PTPRO: variants seen among roughly 807,000 people sequenced by gnomAD.
PTPRO encodes protein tyrosine phosphatase receptor type O.
A neutral mutation model predicts 145.2 loss-of-function variants in PTPRO; 62 were observed. The observed-to-expected ratio is 0.43, with a 90% CI of 0.35 to 0.53. The LOEUF (loss-of-function observed/expected upper bound fraction) is 0.53, where lower values mean the gene tolerates loss of function less well. Ranked by LOEUF, PTPRO falls within the 20% of genes least tolerant of loss-of-function variation. The probability of loss-of-function intolerance (pLI) is 0.01; values close to 1 mark genes in which losing one functional copy is unlikely to be tolerated. For missense variants in PTPRO, 1,345 were observed against 1,482.7 expected, an observed-to-expected ratio of 0.91 and a Z score of 1.53; for synonymous variants, 565 against 514.7, an observed-to-expected ratio of 1.10 and a Z score of -1.32.
chr12:15,415,519 G>A (rs1565616235), intron 1 of PTPRO, among the ~76,000 whole-genome samples: 1 of 151,854 alleles, frequency 6.6e-6, no homozygotes, highest in Admixed American at 6.6e-5. Flanking sequence ...CGAGTAGCTG[G>A]GACTACAGGC....
At chr12:15,522,969 GT>G (rs1483437495) in intron 10 of PTPRO, among the ~76,000 whole-genome samples, 3 of 152,184 alleles carry the variant, frequency 2.0e-5, no homozygotes, top group African/African-American at 7.2e-5. Context: ...GACGAAATAT[GT>G]TGGAATATAT....
chr12:15,369,681 C>CAT (rs2136256101), intron 1 of PTPRO, among the ~76,000 whole-genome samples: 1 of 152,240 alleles, frequency 6.6e-6, no homozygotes, highest in East Asian at 1.9e-4. Flanking sequence ...ATTCTCCCTT[C>CAT]ATATATATTG....
At chr12:15,464,593 A>G (rs575566041) in intron 1 of PTPRO, among the ~76,000 whole-genome samples, 6 of 151,374 alleles carry the variant, frequency 4.0e-5, no homozygotes, top group Non-Finnish European at 7.4e-5. Context: ...TCCTGACCTC[A>G]AGTGATCTGC....
chr12:15,330,402 T>C (rs1401738542), intron 1 of PTPRO, among the ~76,000 whole-genome samples: 1 of 152,138 alleles, frequency 6.6e-6, no homozygotes. Flanking sequence ...GGTCTCAAGA[T>C]AACATGTGTG....
At chr12:15,419,735 G>GTTT (rs71042248) in intron 1 of PTPRO, among the ~76,000 whole-genome samples, 1 of 148,520 alleles carries the variant, frequency 6.7e-6, no homozygotes, top group African/African-American at 2.5e-5. Flanking sequence ...GTTCTTTGGT[G>GTTT]TTTTTTTTTT....
At chr12:15,349,372 A>T (rs1022744387) in intron 1 of PTPRO, among the ~76,000 whole-genome samples, 2 of 152,202 alleles carry the variant, frequency 1.3e-5, no homozygotes, top group Non-Finnish European at 2.9e-5. Flanking sequence ...GTCCCACAAA[A>T]TGTATTTGGA....
intron 1 of PTPRO, among the ~76,000 whole-genome samples, chr12:15,426,382 A>G (rs1335602053): frequency 6.6e-6 from 1 of 152,012 alleles, no homozygotes; most frequent in African/African-American, 2.4e-5. Context: ...TTCTTTTGCA[A>G]TGTTTACACT....
At position 15,544,250 on chromosome 12, in the gene PTPRO, C is replaced by G. The variant is rs76408450; in HGVS notation, c.2165-2319C>G. 1.4e-3 allele frequency among the ~76,000 whole-genome samples: 212 copies of G among 152,108 alleles called. 2 individuals carry two copies. The East Asian group carries it at 0.038, about 28-fold the overall frequency. On this transcript the variant is annotated intron_variant, in intron 12 of 26. Transcript: ENST00000281171. Reference sequence around the variant, plus strand: ...TGGTGGCTCATGCCTATAATCCCAGCTCCCAGCACTTTGGGAGGCAGAGGC... The same window carrying G: ...TGGTGGCTCATGCCTATAATCCCAGGTCCCAGCACTTTGGGAGGCAGAGGC...
intron 1 of PTPRO, among the ~76,000 whole-genome samples, chr12:15,450,984 C>T (rs931230575): frequency 3.3e-5 from 5 of 151,968 alleles, no homozygotes; most frequent in African/African-American, 1.2e-4. Flanking sequence ...CCTCCCATCT[C>T]AATACTAACA....
intron 25 of PTPRO, among the ~76,000 whole-genome samples, chr12:15,591,215 TA>T (rs563961782): frequency 2.0e-5 from 3 of 151,510 alleles, no homozygotes; most frequent in African/African-American, 7.3e-5. Flanking sequence ...CTAAAAATAT[TA>T]AAAAATTAGC....
At chr12:15,369,954 A>G (rs1490130371) in intron 1 of PTPRO, among the ~76,000 whole-genome samples, 1 of 152,156 alleles carries the variant, frequency 6.6e-6, no homozygotes, top group Non-Finnish European at 1.5e-5. Flanking sequence ...CAGGAGGCTG[A>G]GACAGGAGAA....
chr12:15,450,118 C>T (rs1162892618), intron 1 of PTPRO, among the ~76,000 whole-genome samples: 1 of 152,058 alleles, frequency 6.6e-6, no homozygotes, highest in Non-Finnish European at 1.5e-5. Context: ...ATTATATTTG[C>T]TAGTTCTCTA....
chr12:15,436,288 G>A (rs897488865), intron 1 of PTPRO, among the ~76,000 whole-genome samples: 1 of 152,140 alleles, frequency 6.6e-6, no homozygotes, highest in African/African-American at 2.4e-5. Context: ...GAGCATAACT[G>A]AAGGAAATAG....
At chr12:15,516,269 G>C (rs1298587637) in intron 8 of PTPRO, among the ~76,000 whole-genome samples, 1 of 148,034 alleles carries the variant, frequency 6.8e-6, no homozygotes, top group Admixed American at 6.7e-5. Flanking sequence ...TTACAGGCAT[G>C]AGCCACCACA....
intron 1 of PTPRO, among the ~76,000 whole-genome samples, chr12:15,419,264 G>A (rs1940067141): frequency 6.6e-6 from 1 of 150,744 alleles, no homozygotes; most frequent in African/African-American, 2.5e-5. Flanking sequence ...GCATTTTGGG[G>A]GCGGGGGAGG....
intron 12 of PTPRO, chr12:15,546,357 A>C: frequency 7.1e-7 from 1 of 1,398,838 alleles, no homozygotes; most frequent in Non-Finnish European, 9.3e-7. Context: ...AAGAGAAGTA[A>C]AAAAATGGAA....
intron 1 of PTPRO, among the ~76,000 whole-genome samples, chr12:15,474,142 T>C (rs889863182): frequency 6.6e-6 from 1 of 152,114 alleles, no homozygotes; most frequent in Non-Finnish European, 1.5e-5. Flanking sequence ...AAAAAACATA[T>C]ATAAACAAAT....
intron 6 of PTPRO, among the ~76,000 whole-genome samples, chr12:15,505,899 A>G (rs898579934): frequency 6.6e-6 from 1 of 152,234 alleles, no homozygotes; most frequent in East Asian, 1.9e-4. Flanking sequence ...CCCAGAGATG[A>G]GAATTCAGGT....
chr12:15,384,780 C>A (rs767761855), intron 1 of PTPRO, among the ~76,000 whole-genome samples: 4 of 152,028 alleles, frequency 2.6e-5, no homozygotes, highest in Non-Finnish European at 4.4e-5. Flanking sequence ...GGTTTAAAAC[C>A]TTTTTATTTT....
Sources: gnomAD v4.1 joint callset for allele counts (sites outside exome capture counted in the v4.1 genomes callset) on GRCh38, gnomAD v4.1.1 for gene constraint, MANE v1.5 for transcripts, NCBI Gene and HGNC (gene_info 2026-07-23, HGNC 2026-07-21) for gene names.